Variants in ADARB2 observed in about 807,000 individuals in gnomAD.
The protein encoded by ADARB2 is inactive double-stranded RNA-specific editase B2.
ADARB2 carries 25 observed loss-of-function variants against 62.2 expected under a neutral mutation model. That is an observed-to-expected ratio of 0.40 (90% CI 0.29 to 0.56). The LOEUF is 0.56. ADARB2 is among the 20% of genes least tolerant of loss of function. The pLI is 0.43. For missense variants in ADARB2, 1,071 were observed against 1,077.4 expected, an observed-to-expected ratio of 0.99 and a Z score of 0.08; for synonymous variants, 572 against 500.8, an observed-to-expected ratio of 1.14 and a Z score of -1.90.
intron 3 of ADARB2, among the ~76,000 whole-genome samples, chr10:1,294,817 C>G (rs55892303): frequency 0.21 from 31,936 of 152,180 alleles, 4,563 homozygotes; most frequent in East Asian, 0.56. Context: ...CATGTGCCCA[C>G]AGCATGGAGT....
At chr10:1,240,422 C>G (rs1830905331) in intron 5 of ADARB2, 1 of 152,552 alleles carries the variant, frequency 6.6e-6, no homozygotes, top group Admixed American at 6.6e-5. Flanking sequence ...CGTTCTGCCC[C>G]ATGGGTGATG....
chr10:1,420,612 GAA>G (rs869094551), intron 1 of ADARB2, among the ~76,000 whole-genome samples: 16 of 120,468 alleles, frequency 1.3e-4, no homozygotes, highest in African/African-American at 5.5e-4. Flanking sequence ...CAGAAAGAGG[GAA>G]AAAAAAAAAA....
intron 6 of ADARB2, among the ~76,000 whole-genome samples, chr10:1,232,896 GTGTGTGGTATACA>G (rs1278543782): frequency 1.3e-5 from 2 of 148,532 alleles, no homozygotes; most frequent in African/African-American, 2.4e-5. Context: ...TGTGTGTGGT[GTGTGTGGTATACA>G]TGTGTGGTAT....
chr10:1,269,460 T>C (rs1257136240), intron 4 of ADARB2, among the ~76,000 whole-genome samples: 1 of 152,240 alleles, frequency 6.6e-6, no homozygotes, highest in African/African-American at 2.4e-5. Context: ...ACTTACATGG[T>C]ACTTGCCATG....
intron 1 of ADARB2, among the ~76,000 whole-genome samples, chr10:1,449,771 G>T (rs1831015243): frequency 6.6e-6 from 1 of 152,166 alleles, no homozygotes; most frequent in East Asian, 1.9e-4. Context: ...CGTATCTCCA[G>T]GTCCAATTTA....
At chr10:1,602,759 GTACA>G (rs1318637254) in intron 1 of ADARB2, among the ~76,000 whole-genome samples, 1 of 145,034 alleles carries the variant, frequency 6.9e-6, no homozygotes, top group Non-Finnish European at 1.5e-5. Flanking sequence ...ACACACACCT[GTACA>G]TACACACACA....
intron 1 of ADARB2, among the ~76,000 whole-genome samples, chr10:1,427,068 T>C (rs1439816138): frequency 6.6e-6 from 1 of 152,240 alleles, no homozygotes; most frequent in Non-Finnish European, 1.5e-5. Flanking sequence ...AGTTATAAAA[T>C]TTAGATCCTC....
chr10:1,467,071 T>C (rs976692077), intron 1 of ADARB2, among the ~76,000 whole-genome samples: 1 of 152,080 alleles, frequency 6.6e-6, no homozygotes, highest in Non-Finnish European at 1.5e-5. Flanking sequence ...TCGCTTTCTC[T>C]CCCCTTTCCT....
intron 7 of ADARB2, among the ~76,000 whole-genome samples, chr10:1,209,399 ACTAT>A (rs1837114028): frequency 6.8e-6 from 1 of 146,430 alleles, no homozygotes; most frequent in African/African-American, 2.7e-5. Context: ...CCACACCCAC[ACTAT>A]CACCTACAGC....
intron 1 of ADARB2, among the ~76,000 whole-genome samples, chr10:1,424,884 G>C (rs1007530933): frequency 6.6e-6 from 1 of 152,206 alleles, no homozygotes; most frequent in Non-Finnish European, 1.5e-5. Context: ...GGCCACTGGG[G>C]AGTAAGTGGT....
chr10:1,670,416 ATT>A (rs1834369942), intron 1 of ADARB2, among the ~76,000 whole-genome samples: 2 of 152,252 alleles, frequency 1.3e-5, no homozygotes, highest in Admixed American at 1.3e-4. Context: ...CATTCAGATG[ATT>A]CATCAGCTTA....
intron 7 of ADARB2, among the ~76,000 whole-genome samples, chr10:1,204,722 G>A (rs141593555): frequency 2.1e-4 from 32 of 152,338 alleles, no homozygotes; most frequent in African/African-American, 7.7e-4. Context: ...CAGCACCATC[G>A]TGACTGCCTC....
intron 4 of ADARB2, among the ~76,000 whole-genome samples, chr10:1,245,774 C>T (rs7924274): frequency 0.47 from 71,015 of 151,138 alleles, 17,042 homozygotes; most frequent in Non-Finnish European, 0.51. Context: ...TCTTTGCTAT[C>T]ATGAATAGTG....
chr10:1,517,730 G>T (rs892364168), intron 1 of ADARB2, among the ~76,000 whole-genome samples: 1 of 152,156 alleles, frequency 6.6e-6, no homozygotes, highest in Non-Finnish European at 1.5e-5. Context: ...CCATTTTCAT[G>T]AAGAATCCTG....
At chr10:1,725,874 G>C (rs1342764316) in intron 1 of ADARB2, among the ~76,000 whole-genome samples, 1 of 152,210 alleles carries the variant, frequency 6.6e-6, no homozygotes, top group African/African-American at 2.4e-5. Context: ...AGGCATGAAG[G>C]CCATTTCTTC....
chr10:1,293,228 G>GGGGGAGAGGGGCAGAGGGAGGGAA (rs1554752375), intron 3 of ADARB2, among the ~76,000 whole-genome samples: 1 of 108,450 alleles, frequency 9.2e-6, no homozygotes, highest in African/African-American at 3.8e-5. Context: ...GAGAGGGACG[G>GGGGGAGAGGGGCAGAGGGAGGGAA]GGAGGGAGAG....
At chr10:1,444,064 C>G (rs898570618) in intron 1 of ADARB2, among the ~76,000 whole-genome samples, 3 of 148,860 alleles carry the variant, frequency 2.0e-5, no homozygotes, top group African/African-American at 5.0e-5. Flanking sequence ...CACCCACACA[C>G]CACTCTATCC....
chr10:1,551,271 T>A (rs980276602), intron 1 of ADARB2, among the ~76,000 whole-genome samples: 12 of 152,174 alleles, frequency 7.9e-5, no homozygotes, highest in African/African-American at 2.7e-4. Flanking sequence ...CCTCTCTGAC[T>A]GTGACAACGT....
intron 3 of ADARB2, among the ~76,000 whole-genome samples, chr10:1,334,197 T>TAG (rs1170981454): frequency 3.3e-5 from 5 of 152,188 alleles, no homozygotes; most frequent in Non-Finnish European, 7.3e-5. Flanking sequence ...CGGGGTGGCC[T>TAG]AGGTGAGTGT....
Sources: allele counts gnomAD v4.1 joint callset (sites outside exome capture counted in the v4.1 genomes callset), GRCh38; gene constraint gnomAD v4.1.1; transcripts MANE v1.5; gene names NCBI Gene and HGNC (gene_info 2026-07-23, HGNC 2026-07-21).